The following FHIT variants were observed in gnomAD, a reference collection of about 807,000 sequenced individuals.
FHIT encodes fragile histidine triad diadenosine triphosphatase.
FHIT carries 19 observed loss-of-function variants against 17.9 expected under a neutral mutation model. The ratio of observed to expected loss-of-function variants is 1.06; its 90% CI spans 0.74 to 1.56. The LOEUF is 1.56. Ranked by LOEUF, FHIT falls within the 40% of genes most tolerant of loss-of-function variation. FHIT has a pLI of 0.00. For synonymous variants in FHIT, 81 were observed against 69.7 expected (o/e 1.16, Z -0.81); for missense variants, 248 against 189.2 (o/e 1.31, Z -1.82).
At chr3:59,788,881 G>GTTTTTTTTTGTTTTTTTTTT (rs1553677015) in intron 8 of FHIT, among the ~76,000 whole-genome samples, 3 of 86,804 alleles carry the variant, frequency 3.5e-5, no homozygotes, top group Non-Finnish European at 6.1e-5. Context: ...GAGTTCATAT[G>GTTTTTTTTTGTTTTTTTTTT]TTTTTTTTTT....
At chr3:60,314,409 G>A (rs994357850) in intron 5 of FHIT, among the ~76,000 whole-genome samples, 2 of 152,046 alleles carry the variant, frequency 1.3e-5, no homozygotes, top group East Asian at 1.9e-4. Flanking sequence ...AAGTTCACCC[G>A]AGCCTGGATA....
At chr3:60,100,537 C>T (rs1704148636) in intron 5 of FHIT, among the ~76,000 whole-genome samples, 1 of 152,124 alleles carries the variant, frequency 6.6e-6, no homozygotes, top group South Asian at 2.1e-4. Flanking sequence ...CACCTGCAGG[C>T]ATAGGCAGAG....
intron 7 of FHIT, among the ~76,000 whole-genome samples, chr3:60,004,078 C>T (rs113408478): frequency 6.6e-6 from 1 of 152,190 alleles, no homozygotes; most frequent in African/African-American, 2.4e-5. Flanking sequence ...AAAATGACAA[C>T]AGTGAGTAAC....
chr3:60,375,010 C>T (rs1700487565), intron 5 of FHIT, among the ~76,000 whole-genome samples: 1 of 151,152 alleles, frequency 6.6e-6, no homozygotes, highest in Non-Finnish European at 1.5e-5. Flanking sequence ...AGGAGAGACT[C>T]TAAGGGTAGC....
At chr3:59,966,404 C>T (rs1413024790) in intron 7 of FHIT, among the ~76,000 whole-genome samples, 1 of 152,160 alleles carries the variant, frequency 6.6e-6, no homozygotes, top group Non-Finnish European at 1.5e-5. Context: ...GAACTAACTA[C>T]AGCTAGCCAT....
chr3:59,988,894 A>G (rs1356190047), intron 7 of FHIT, among the ~76,000 whole-genome samples: 4 of 152,106 alleles, frequency 2.6e-5, no homozygotes, highest in African/African-American at 9.6e-5. Context: ...GACAGGTAGT[A>G]TTTGCTGAGC....
rs567802067 is a variant in FHIT at position 59,948,845 on chromosome 3, T to TC, written c.280-26432dup. 2.8e-3 allele frequency among the ~76,000 whole-genome samples: 424 copies of TC among 152,238 alleles called. 1 individual carries two copies. Among genetic ancestry groups the TC allele is most frequent in the Middle Eastern group, 0.01 (3 of 294 alleles). On this transcript the variant is annotated intron_variant, in intron 7 of 9. Coordinates refer to ENST00000492590, the MANE Select transcript of FHIT (RefSeq NM_002012.4). ...TTTTTCTATCATAAAGTTTTTTTTT[T>TC]CCCCACAGTTCCATGAATACTATAG...
chr3:60,772,940 A>G (rs1700094391), intron 4 of FHIT, among the ~76,000 whole-genome samples: 1 of 152,140 alleles, frequency 6.6e-6, no homozygotes. Context: ...ATCGGCAGCA[A>G]ACACCCATTG....
intron 3 of FHIT, among the ~76,000 whole-genome samples, chr3:60,905,289 C>A (rs1027675715): frequency 6.6e-6 from 1 of 152,072 alleles, no homozygotes; most frequent in Admixed American, 6.5e-5. Flanking sequence ...AAAAACTTGA[C>A]AATATACTCT....
At chr3:60,275,201 C>G (rs1365537787) in intron 5 of FHIT, among the ~76,000 whole-genome samples, 1 of 150,338 alleles carries the variant, frequency 6.7e-6, no homozygotes, top group Non-Finnish European at 1.5e-5. Context: ...ACTTGGCTCC[C>G]TGCTCTGGGA....
At chr3:61,038,382 G>A (rs184536944) in intron 3 of FHIT, among the ~76,000 whole-genome samples, 1 of 152,190 alleles carries the variant, frequency 6.6e-6, no homozygotes, top group African/African-American at 2.4e-5. Flanking sequence ...ACTTCCTACA[G>A]AACAAAAGAT....
chr3:61,053,830 G>T (rs1347747428), intron 2 of FHIT, among the ~76,000 whole-genome samples: 1 of 152,116 alleles, frequency 6.6e-6, no homozygotes, highest in South Asian at 2.1e-4. Flanking sequence ...GAAATTACTA[G>T]ACAAGAATCA....
At chr3:60,127,542 C>T (rs1705610356) in intron 5 of FHIT, among the ~76,000 whole-genome samples, 1 of 152,158 alleles carries the variant, frequency 6.6e-6, no homozygotes, top group East Asian at 1.9e-4. Flanking sequence ...TACTAAGTTA[C>T]TCTCCAGAAA....
intron 5 of FHIT, among the ~76,000 whole-genome samples, chr3:60,241,766 T>C (rs1388096478): frequency 6.6e-6 from 1 of 152,112 alleles, no homozygotes; most frequent in African/African-American, 2.4e-5. Context: ...TAGTAGGAGT[T>C]AGTTTATCTT....
chr3:60,032,872 G>T (rs1701059492), intron 5 of FHIT, among the ~76,000 whole-genome samples: 2 of 152,080 alleles, frequency 1.3e-5, no homozygotes, highest in Admixed American at 6.6e-5. Context: ...TGTATAATCA[G>T]CCACCTATAG....
intron 5 of FHIT, among the ~76,000 whole-genome samples, chr3:60,285,320 T>G (rs541969227): frequency 6.6e-6 from 1 of 152,266 alleles, no homozygotes; most frequent in South Asian, 2.1e-4. Flanking sequence ...AAGTAAGGCA[T>G]AACCAGTAAT....
intron 1 of FHIT, among the ~76,000 whole-genome samples, chr3:61,207,340 A>G (rs1316225919): frequency 6.6e-6 from 1 of 152,170 alleles, no homozygotes; most frequent in African/African-American, 2.4e-5. Context: ...TCATAAAATG[A>G]GTTAGGGAGG....
chr3:61,157,433 G>C (rs1209249907), intron 2 of FHIT, among the ~76,000 whole-genome samples: 1 of 152,094 alleles, frequency 6.6e-6, no homozygotes. Context: ...TCAGTGAAAG[G>C]CCACCAGGAA....
At chr3:59,969,703 T>C (rs1218472380) in intron 7 of FHIT, among the ~76,000 whole-genome samples, 1 of 152,110 alleles carries the variant, frequency 6.6e-6, no homozygotes, top group African/African-American at 2.4e-5. Flanking sequence ...TTTCCCTCAA[T>C]GGGCACAAAT....
Sources: gnomAD v4.1 joint callset for allele counts (sites outside exome capture counted in the v4.1 genomes callset) on GRCh38, gnomAD v4.1.1 for gene constraint, MANE v1.5 for transcripts, NCBI Gene and HGNC (gene_info 2026-07-23, HGNC 2026-07-21) for gene names.